The following GAD2 variants were observed in gnomAD, a reference collection of about 807,000 sequenced individuals.
GAD2 encodes 65 kDa glutamic acid decarboxylase.
GAD2 carries 22 observed loss-of-function variants against 80.1 expected under a neutral mutation model. The ratio of observed to expected loss-of-function variants is 0.27; its 90% CI spans 0.20 to 0.39. The LOEUF (loss-of-function observed/expected upper bound fraction) is 0.39, where lower values mean the gene tolerates loss of function less well. GAD2 is among the 10% of genes least tolerant of loss of function. GAD2 has a pLI of 1.00. For missense variants in GAD2, 624 were observed against 738.4 expected, an observed-to-expected ratio of 0.85 and a Z score of 1.80; for synonymous variants, 274 against 256.9, an observed-to-expected ratio of 1.07 and a Z score of -0.64.
intron 13 of GAD2, 81 bp from the exon 14 acceptor site, chr10:26,292,384 A>C: frequency 2.0e-6 from 2 of 1,001,628 alleles, no homozygotes; most frequent in Non-Finnish European, 3.1e-6. Flanking sequence ...CAGAGACGGC[A>C]GGATGACGGT....
chr10:26,226,819 G>T (rs1357144288), intron 6 of GAD2, among the ~76,000 whole-genome samples: 1 of 152,160 alleles, frequency 6.6e-6, no homozygotes, highest in Non-Finnish European at 1.5e-5. Flanking sequence ...ATCTGCTTTT[G>T]TGATGTCACC....
intron 7 of GAD2, among the ~76,000 whole-genome samples, chr10:26,241,550 CT>C (rs562624565): frequency 3.5e-3 from 504 of 143,022 alleles, no homozygotes; most frequent in Middle Eastern, 0.011. Flanking sequence ...CTGCTCATTT[CT>C]TTTTTTTTTT....
intron 12 of GAD2, among the ~76,000 whole-genome samples, chr10:26,284,153 A>G (rs997145752): frequency 6.6e-6 from 1 of 152,178 alleles, no homozygotes; most frequent in Non-Finnish European, 1.5e-5. Flanking sequence ...CTCTGACAGC[A>G]TTTGTTTATT....
At chr10:26,230,044 G>A (rs755925681) in intron 7 of GAD2, among the ~76,000 whole-genome samples, 2 of 147,936 alleles carry the variant, frequency 1.4e-5, no homozygotes, top group Admixed American at 1.3e-4. Context: ...GCCAGATGTG[G>A]TAGCACCTAT....
intron 8 of GAD2, among the ~76,000 whole-genome samples, chr10:26,265,393 C>T (rs527782289): frequency 1.3e-5 from 2 of 152,072 alleles, no homozygotes; most frequent in African/African-American, 2.4e-5. Flanking sequence ...TTAGTAGAGA[C>T]GAGGTTTCAC....
At chr10:26,237,892 A>G (rs7897227) in intron 7 of GAD2, among the ~76,000 whole-genome samples, 10,721 of 151,794 alleles carry the variant, frequency 0.071, 1,237 homozygotes, top group African/African-American at 0.24. Context: ...CTGTAATCCC[A>G]GCTACTTGGG....
rs1845131589 is a variant in GAD2 at position 26,271,073 on chromosome 10, A to G, written c.1092+317A>G. Among the ~76,000 whole-genome samples the G allele has an allele frequency of 3.3e-5, 5 of 152,216 alleles. No homozygotes were observed. The South Asian group carries it at 1.0e-3, about 32-fold the overall frequency. ...TTGCATCCATGGAGGAATACAACCT[A>G]CGCACACAGTCCTGCTGTTCCTCAC... On this transcript the variant is annotated intron_variant, in intron 10 of 15. Transcript: ENST00000376261.
chr10:26,285,631 C>T (rs577720363), intron 12 of GAD2, among the ~76,000 whole-genome samples: 15 of 152,184 alleles, frequency 9.9e-5, no homozygotes, highest in Non-Finnish European at 2.2e-4. Flanking sequence ...TGGCCATTGA[C>T]GATGAAACTT....
intron 7 of GAD2, among the ~76,000 whole-genome samples, chr10:26,231,841 C>T (rs2132277429): frequency 6.6e-6 from 1 of 152,236 alleles, no homozygotes; most frequent in Non-Finnish European, 1.5e-5. Flanking sequence ...CTTTGGATCT[C>T]TCTCTTTCTC....
intron 8 of GAD2, among the ~76,000 whole-genome samples, chr10:26,252,332 G>C (rs938675141): frequency 1.3e-5 from 2 of 151,940 alleles, no homozygotes; most frequent in African/African-American, 4.8e-5. Context: ...GATCCTGCGA[G>C]GTACATTTTT....
At chr10:26,297,645 T>G (rs1288889351) in intron 15 of GAD2, among the ~76,000 whole-genome samples, 1 of 152,190 alleles carries the variant, frequency 6.6e-6, no homozygotes, top group Non-Finnish European at 1.5e-5. Flanking sequence ...AAGTGAAATC[T>G]CTATGTATTT....
At position 26,216,955 on chromosome 10, in the gene GAD2, A is replaced by C. The variant is rs931340167; in HGVS notation, c.76+70A>C. Reference sequence around the variant, plus strand: ...GTCTGGGGTTTGCGGAACTACGGAGAAGACGAAGGAGGTTTTTCCACCTGC... The same window carrying C: ...GTCTGGGGTTTGCGGAACTACGGAGCAGACGAAGGAGGTTTTTCCACCTGC... On this transcript the variant is annotated intron_variant, in intron 1 of 15. Transcript: ENST00000376261. This position sits in a 1 kb window ranked among gnomAD's most constrained non-coding sequence, Gnocchi z 4.7. The C allele has an allele frequency of 1.1e-4, 154 of 1,357,368 alleles. No individual in the cohort carries two copies. The highest frequency in any genetic ancestry group is 1.7e-5 in the Non-Finnish European group (16 of 968,866). 84.1% of individuals were successfully genotyped at this position (1,357,368 alleles called of 1,614,324 possible). A position where few individuals can be genotyped will look rare whatever the true frequency, so the allele number is the denominator to read the frequency against.
intron 15 of GAD2, among the ~76,000 whole-genome samples, 181 bp downstream of exon 15, chr10:26,293,172 CTTTTTT>C (rs987030977): frequency 1.0e-5 from 1 of 96,452 alleles, no homozygotes; most frequent in Non-Finnish European, 2.1e-5. Context: ...CATTTTTCTT[CTTTTTT>C]TTTTTTTTTT....
chr10:26,269,080 A>C, intron 8 of GAD2, 39 bp from the exon 9 acceptor site: 1 of 1,524,850 alleles, frequency 6.6e-7, no homozygotes, highest in Non-Finnish European at 9.0e-7. Context: ...CGATGAAGCA[A>C]ATTATTCAAA....
chr10:26,275,671 G>A (rs1046875040), intron 11 of GAD2, among the ~76,000 whole-genome samples: 3 of 152,164 alleles, frequency 2.0e-5, no homozygotes, highest in Non-Finnish European at 4.4e-5. Flanking sequence ...GAAGACCAGT[G>A]GAAACCACAT....
intron 6 of GAD2, among the ~76,000 whole-genome samples, chr10:26,228,309 G>A (rs531156710): frequency 9.2e-5 from 14 of 152,302 alleles, no homozygotes; most frequent in Admixed American, 2.6e-4. Flanking sequence ...ATCTTATGGC[G>A]TGGAATCCCT....
chr10:26,257,590 T>A lies in GAD2; in HGVS notation c.921-11529T>A, dbSNP rs184118015. On this transcript the variant is annotated intron_variant, in intron 8 of 15. Coordinates refer to ENST00000376261, the MANE Select transcript of GAD2 (RefSeq NM_001134366.2). Reference sequence around the variant, plus strand: ...GAGTCATTGGCTTTCCTAGCTCCCATGTAACACAAGAAATCTGTTAGCCAT... The same window carrying A: ...GAGTCATTGGCTTTCCTAGCTCCCAAGTAACACAAGAAATCTGTTAGCCAT... Among the ~76,000 whole-genome samples, 10 of 152,056 alleles carry A rather than the reference T, an allele frequency of 6.6e-5. 1 individual carries two copies. Among genetic ancestry groups the A allele is most frequent in the Admixed American group, 6.5e-4 (10 of 15,274 alleles).
chr10:26,260,926 A>C (rs1845002127), intron 8 of GAD2, among the ~76,000 whole-genome samples: 1 of 152,218 alleles, frequency 6.6e-6, no homozygotes, highest in South Asian at 2.1e-4. Flanking sequence ...GTTGGTGTAT[A>C]TACTTATGGG....
intron 11 of GAD2, among the ~76,000 whole-genome samples, chr10:26,277,553 G>A (rs532610326): frequency 2.0e-5 from 3 of 152,278 alleles, no homozygotes; most frequent in East Asian, 3.9e-4. Context: ...GAGAGGAGAC[G>A]GGAGCCAGGG....
Sources: allele counts gnomAD v4.1 joint callset (sites outside exome capture counted in the v4.1 genomes callset), GRCh38; gene constraint gnomAD v4.1.1; non-coding constraint Gnocchi (gnomAD v3.1); transcripts MANE v1.5; gene names NCBI Gene and HGNC (gene_info 2026-07-23, HGNC 2026-07-21).